C10orf90: variants seen among roughly 807,000 people sequenced by gnomAD.
The protein encoded by C10orf90 is (E2-independent) E3 ubiquitin-conjugating enzyme FATS.
A neutral mutation model predicts 62.5 loss-of-function variants in C10orf90; 56 were observed. The observed-to-expected ratio is 0.90, with a 90% CI of 0.72 to 1.12. C10orf90 has a LOEUF of 1.12. C10orf90 is among the 50% of genes most tolerant of loss of function. The probability of loss-of-function intolerance (pLI) is 0.00; values close to 1 mark genes in which losing one functional copy is unlikely to be tolerated. For synonymous variants in C10orf90, 386 were observed against 340.4 expected, an observed-to-expected ratio of 1.13 and a Z score of -1.47; for missense variants, 970 against 880.4, an observed-to-expected ratio of 1.10 and a Z score of -1.29.
intron 4 of C10orf90, among the ~76,000 whole-genome samples, chr10:126,490,021 A>T (rs186166090): frequency 0.21 from 13,588 of 63,682 alleles, 900 homozygotes; most frequent in South Asian, 0.28. Context: ...TATTATATAT[A>T]ATATATAATA....
At chr10:126,609,331 A>T (rs1845382153) in intron 2 of C10orf90, among the ~76,000 whole-genome samples, 1 of 152,206 alleles carries the variant, frequency 6.6e-6, no homozygotes, top group Non-Finnish European at 1.5e-5. Flanking sequence ...TGAACCTAGG[A>T]GGCAGAGGTT....
At chr10:126,495,303 C>T (rs1249608535) in intron 4 of C10orf90, among the ~76,000 whole-genome samples, 5 of 152,120 alleles carry the variant, frequency 3.3e-5, no homozygotes, top group African/African-American at 1.2e-4. Flanking sequence ...ACGGGTGGAT[C>T]ACCTGAAGCC....
At chr10:126,434,964 G>A (rs1440944212) in intron 7 of C10orf90, among the ~76,000 whole-genome samples, 3 of 152,174 alleles carry the variant, frequency 2.0e-5, no homozygotes, top group Non-Finnish European at 4.4e-5. Flanking sequence ...GTGAGTTAAC[G>A]ACTCATAGGT....
intron 2 of C10orf90, among the ~76,000 whole-genome samples, chr10:126,529,174 A>G (rs570000008): frequency 6.6e-6 from 1 of 152,346 alleles, no homozygotes; most frequent in East Asian, 1.9e-4. Context: ...ATTATTTTAA[A>G]AACCAAAATT....
intron 2 of C10orf90, among the ~76,000 whole-genome samples, chr10:126,578,895 A>G (rs760843316): frequency 1.5e-4 from 23 of 152,224 alleles, no homozygotes; most frequent in Non-Finnish European, 3.4e-4. Flanking sequence ...TCTGGCCACT[A>G]TGCCAATCCC....
rs910402979 is a variant in C10orf90 at position 126,425,917 on chromosome 10, A to G, written c.2353-15T>C. 1.9e-6 allele frequency: 3 copies of G among 1,614,038 alleles called. No individual in the cohort carries two copies. In the African/African-American group the frequency reaches 4.0e-5, roughly 22 times the overall value. On this transcript the variant is annotated splice_polypyrimidine_tract_variant and intron_variant, in intron 9 of 9. Transcript: ENST00000488181. ...TCCAGTAATTGCTAGAGGAAAAGGG[A>G]AACAAAGATGTCAAGTTGAGATTCG...
chr10:126,481,644 G>T (rs1861165417), intron 4 of C10orf90, among the ~76,000 whole-genome samples: 1 of 152,176 alleles, frequency 6.6e-6, no homozygotes, highest in African/African-American at 2.4e-5. Context: ...CACCATGTTG[G>T]CAGGTACCAG....
intron 2 of C10orf90, among the ~76,000 whole-genome samples, chr10:126,624,759 G>T (rs1211574099): frequency 6.6e-6 from 1 of 152,158 alleles, no homozygotes; most frequent in Non-Finnish European, 1.5e-5. Flanking sequence ...ACAGAGCAGG[G>T]AAAGGAAAGG....
intron 5 of C10orf90, among the ~76,000 whole-genome samples, chr10:126,462,101 G>T: frequency 6.6e-6 from 1 of 152,162 alleles, no homozygotes; most frequent in East Asian, 1.9e-4. Context: ...GCTCTTCCTG[G>T]GGCCATTTTG....
chr10:126,652,054 GC>G (rs1475418158), intron 1 of C10orf90, among the ~76,000 whole-genome samples: 3 of 152,158 alleles, frequency 2.0e-5, no homozygotes, highest in Non-Finnish European at 4.4e-5. Context: ...ATTGATCTTT[GC>G]CGGCATTGCA....
rs932780819 is a variant in C10orf90 at position 126,644,233 on chromosome 10, C to T, written c.313+2332G>A. On this transcript the variant is annotated intron_variant, in intron 2 of 9. Coordinates refer to ENST00000488181, the MANE Select transcript of C10orf90 (RefSeq NM_001350921.2). ...TGAGTTCCTCACTCTGCCTTTCGGC[C>T]GTAAACCTCCATCTACCCTTGCTGT... Among the ~76,000 whole-genome samples the T allele has an allele frequency of 3.9e-5, 6 of 152,206 alleles. No individual in the cohort carries two copies. In the East Asian group the frequency reaches 9.7e-4, roughly 25 times the overall value.
intron 7 of C10orf90, among the ~76,000 whole-genome samples, chr10:126,434,032 C>CA: frequency 6.6e-6 from 1 of 152,280 alleles, no homozygotes; most frequent in South Asian, 2.1e-4. Context: ...AAAAGTCTTG[C>CA]ATCTGCCTCA....
chr10:126,490,936 G>A (rs1451775769), intron 4 of C10orf90, among the ~76,000 whole-genome samples: 1 of 151,970 alleles, frequency 6.6e-6, no homozygotes, highest in Non-Finnish European at 1.5e-5. Context: ...AAATCCTAAG[G>A]AATCTACAAA....
intron 8 of C10orf90, among the ~76,000 whole-genome samples, chr10:126,427,915 C>G (rs1398244090): frequency 6.6e-6 from 1 of 152,110 alleles, no homozygotes; most frequent in African/African-American, 2.4e-5. Context: ...AGTTCTGTCC[C>G]TCTGGGGAAC....
intron 4 of C10orf90, among the ~76,000 whole-genome samples, chr10:126,487,070 G>T (rs112888511): frequency 6.0e-5 from 9 of 148,780 alleles, no homozygotes; most frequent in African/African-American, 2.2e-4. Context: ...ACTTGAACCT[G>T]GGAGGTAGAG....
chr10:126,434,915 C>T (rs181736370), intron 7 of C10orf90, among the ~76,000 whole-genome samples: 300 of 152,244 alleles, frequency 2.0e-3, no homozygotes, highest in African/African-American at 7.1e-3. Flanking sequence ...CCAAATTAGC[C>T]CTCCAGAAAT....
At chr10:126,516,344 C>G (rs1250620468) in intron 2 of C10orf90, among the ~76,000 whole-genome samples, 2 of 152,168 alleles carry the variant, frequency 1.3e-5, no homozygotes, top group Admixed American at 1.3e-4. Context: ...CAAGGCAGCC[C>G]TCCCCAAGAC....
At position 126,521,217 on chromosome 10, in the gene C10orf90, A is replaced by G; in HGVS notation, c.314-7278T>C. On this transcript the variant is annotated intron_variant, in intron 2 of 9. Transcript: ENST00000488181. ...GGGCCTCATACAGTACTGGGCCCAG[A>G]AGATACTCAGCGTGGACAGAATGAA... The G allele has an allele frequency of 3.3e-6, 5 of 1,511,012 alleles. No homozygotes were observed. The Middle Eastern group carries it at 5.4e-4, about 164-fold the overall frequency. 93.6% of individuals were successfully genotyped at this position (1,511,012 alleles called of 1,614,324 possible).
At chr10:126,655,685 T>A (rs1412401835) in intron 1 of C10orf90, among the ~76,000 whole-genome samples, 1 of 152,128 alleles carries the variant, frequency 6.6e-6, no homozygotes, top group Non-Finnish European at 1.5e-5. Context: ...TCCTGAACAG[T>A]TTGAAATACT....
Sources: allele counts gnomAD v4.1 joint callset (sites outside exome capture counted in the v4.1 genomes callset), GRCh38; gene constraint gnomAD v4.1.1; transcripts MANE v1.5; gene names NCBI Gene and HGNC (gene_info 2026-07-23, HGNC 2026-07-21).